Variants in INTS3 observed in about 807,000 individuals in gnomAD.
The protein encoded by INTS3 is integrator complex subunit 3.
A neutral mutation model predicts 146.3 loss-of-function variants in INTS3; 34 were observed. The observed-to-expected ratio is 0.23, with a 90% confidence interval of 0.18 to 0.31. The LOEUF is 0.31. Among genes scored for constraint, INTS3 ranks in the 10% least tolerant of loss-of-function variants. INTS3 has a pLI of 1.00. For synonymous variants in INTS3, 475 were observed against 494.9 expected (o/e 0.96, Z 0.53); for missense variants, 757 against 1,304.2 (o/e 0.58, Z 6.46).
chr1:153,758,586 T>C (rs1053701916), intron 10 of INTS3, among the ~76,000 whole-genome samples: 3 of 152,004 alleles, frequency 2.0e-5, no homozygotes, highest in African/African-American at 7.3e-5. Flanking sequence ...GGTGGGCAGA[T>C]TGCTTGAGCT....
chr1:153,733,229 T>G (rs1386400648), intron 1 of INTS3, among the ~76,000 whole-genome samples: 2 of 72,756 alleles, frequency 2.7e-5, no homozygotes, highest in Admixed American at 2.1e-4. Flanking sequence ...TTTTTTTTTT[T>G]GCAGATGCAG....
chr1:153,746,712 T>G (rs947325470), intron 3 of INTS3: 1 of 444,636 alleles, frequency 2.2e-6, no homozygotes, highest in African/African-American at 2.0e-5. Flanking sequence ...CCCAGCAGGC[T>G]TTTCTGCCTC....
intron 18 of INTS3, 38 bp downstream of exon 18, chr1:153,764,259 C>G (rs1175496658): frequency 7.2e-7 from 1 of 1,398,360 alleles, no homozygotes; most frequent in African/African-American, 1.4e-5. Flanking sequence ...GCCTCAGGAG[C>G]CAGAGGGTGC....
intron 13 of INTS3, chr1:153,761,276 C>T (rs1672372177): frequency 4.2e-6 from 2 of 481,080 alleles, no homozygotes; most frequent in Admixed American, 7.6e-5. Flanking sequence ...TTTGGGAGGC[C>T]AAGGTGGGCA....
rs35008806 is a variant in INTS3, at chr1:153,742,478, C to CTGTGTGTGTG, written c.318+1131_318+1140dup. On this transcript the variant is annotated intron_variant, in intron 3 of 29. Coordinates refer to ENST00000318967, the MANE Select transcript of INTS3 (RefSeq NM_023015.5). The stretch of plus-strand genomic sequence containing the variant: ...TCCTCTTGTGTGGGTTTTTTAATCT[C>CTGTGTGTGTG]TGTGTGTGTGTGTGTGTGTGTGTGT... 7.5e-3 allele frequency among the ~76,000 whole-genome samples: 1,104 copies of CTGTGTGTGTG among 147,534 alleles called. 15 individuals carry two copies. The highest frequency in any genetic ancestry group is 0.026 in the African/African-American group (1,045 of 39,754).
Position 153,728,733 on chromosome 1 carries a change from G to T in INTS3, c.99G>T (p.Gly33=), listed in dbSNP as rs200372484. 1.2e-5 allele frequency: 19 copies of T among 1,610,360 alleles called. No individual in the cohort carries two copies. Among genetic ancestry groups the T allele is most frequent in the Non-Finnish European group, 1.4e-5 (17 of 1,178,294 alleles). The change falls in exon 1 of 30, where the codon GGG becomes GGT. Residue 33 remains glycine (G), a synonymous_variant. Coordinates refer to ENST00000318967, the MANE Select transcript of INTS3 (RefSeq NM_023015.5). Reference sequence around the variant, plus strand: ...GAGCGGGAGCAGGAGCCCCAGGAGGGGGGAGGCTGCTACTTTCAACCAGTT... The same window carrying T: ...GAGCGGGAGCAGGAGCCCCAGGAGGTGGGAGGCTGCTACTTTCAACCAGTT... ...GGGAGAGAPG[G]GRLLLSTSLD...
At chr1:153,762,579 A>T (rs1672424225) in intron 14 of INTS3, 149 bp from the exon 15 acceptor site, 1 of 904,510 alleles carries the variant, frequency 1.1e-6, no homozygotes, top group African/African-American at 1.7e-5. Context: ...GAGGTTTGTC[A>T]AGAGGTTTGT....
chr1:153,729,186 G>A (rs1348612308), intron 1 of INTS3, among the ~76,000 whole-genome samples: 2 of 150,846 alleles, frequency 1.3e-5, no homozygotes, highest in African/African-American at 4.9e-5. Flanking sequence ...GCTGGTAAGA[G>A]CTGGCAGTAG....
chr1:153,734,413 ACTT>A (rs150230389), intron 1 of INTS3, among the ~76,000 whole-genome samples: 3,747 of 152,258 alleles, frequency 0.025, 71 homozygotes, highest in Non-Finnish European at 0.041. Context: ...TATCCTTTAT[ACTT>A]CTTGTTGCCT....
intron 18 of INTS3, 64 bp downstream of exon 18, chr1:153,764,285 C>T (rs7517875): frequency 0.011 from 11,313 of 1,053,594 alleles, 108 homozygotes; most frequent in Non-Finnish European, 0.015. Context: ...CAGCCTGAGT[C>T]CAAGAGACCC....
intron 9 of INTS3, 139 bp downstream of exon 9, chr1:153,754,878 C>T (rs1460774075): frequency 2.7e-5 from 18 of 657,590 alleles, no homozygotes; most frequent in Non-Finnish European, 1.1e-5. Context: ...TGGCTACTGG[C>T]TTCTTTGTCC....
At chr1:153,768,824 G>A in intron 21 of INTS3, 69 bp from the exon 22 acceptor site, 1 of 1,202,876 alleles carries the variant, frequency 8.3e-7, no homozygotes, top group Non-Finnish European at 1.2e-6. Context: ...TAATAAGGAA[G>A]GAGAGTGGGC....
Position 153,772,651 on chromosome 1 carries a change from C to T in INTS3, c.2834C>T (p.Thr945Met), listed in dbSNP as rs369078716. Residue 945 changes from threonine (T) to methionine (M), a missense_variant, in exon 28 of 30, where the codon ACG becomes ATG. Thr to Met is a moderately conservative substitution (Grantham distance 81). This residue lies in a region of INTS3 where 125 missense variants were observed against 165.6 expected (regional missense o/e 0.75). Coordinates refer to ENST00000318967, the MANE Select transcript of INTS3 (RefSeq NM_023015.5). The surrounding 1 kb of genome is among the most constrained non-coding windows in gnomAD (Gnocchi z 4.6). ...TNTKQNFFSQTPILQALQHVQ... is the reference protein window; with the variant it reads ...TNTKQNFFSQMPILQALQHVQ... Reference sequence around the variant, plus strand: ...TTTCTTCCTCTAGTTTTTAGCCAGACGCCAATTCTCCAGGCGCTGCAGCAT... The same window carrying T: ...TTTCTTCCTCTAGTTTTTAGCCAGATGCCAATTCTCCAGGCGCTGCAGCAT... 5 of 1,614,212 alleles carry T rather than the reference C, an allele frequency of 3.1e-6. No individual in the cohort carries two copies. The highest frequency in any genetic ancestry group is 2.2e-5 in the South Asian group (2 of 91,086).
chr1:153,773,385 C>A lies in INTS3; in HGVS notation c.*115C>A. On this transcript the variant is annotated 3_prime_UTR_variant, in exon 30 of 30. Transcript: ENST00000318967. ...GAAACACCCTTGCTGCATCCCCAAG[C>A]TCCCCCGGTGGAAGGAGGAGCTTTC... is the stretch of plus-strand genomic sequence containing the variant. 1.0e-6 allele frequency: 1 copy of A among 998,670 alleles called. No individual in the cohort carries two copies. Among genetic ancestry groups the A allele is most frequent in the Non-Finnish European group, 1.6e-6 (1 of 636,656 alleles). The allele number at this position is 998,670 out of a possible 1,614,324, so 61.9% of individuals were successfully genotyped here.
chr1:153,773,024 A>G lies in INTS3; in HGVS notation c.2994A>G (p.Arg998=), dbSNP rs765192262. The G allele has an allele frequency of 5.0e-6, 8 of 1,614,098 alleles. No homozygotes were observed. In the Admixed American group the frequency reaches 1.2e-4, roughly 24 times the overall value. ...RKAALSSPRS[R]KNATQPPNAE... is the part of the protein sequence containing the mutation. ...CAGCTCTGTCCAGCCCTCGAAGTCG[A>G]AAGAATGCCACACAGCCCCCCAATG... Residue 998 remains arginine, a synonymous_variant, in exon 29 of 30, where the codon CGA becomes CGG. Transcript: ENST00000318967.
Position 153,728,322 on chromosome 1 carries a change from C to T in INTS3, c.-313C>T. Reference sequence around the variant, plus strand: ...CTTAGGGTCAGACGCTCTTAGGGTCCACTTCTTCAGGGGCGGAAGCCTCTC... The same window carrying T: ...CTTAGGGTCAGACGCTCTTAGGGTCTACTTCTTCAGGGGCGGAAGCCTCTC... On this transcript the variant is annotated 5_prime_UTR_variant, in exon 1 of 30. Coordinates refer to ENST00000318967, the MANE Select transcript of INTS3 (RefSeq NM_023015.5). 1 of 402,570 alleles carries T rather than the reference C, an allele frequency of 2.5e-6. No individual in the cohort carries two copies. Among genetic ancestry groups the T allele is most frequent in the Non-Finnish European group, 4.4e-6 (1 of 228,366 alleles). The allele number at this position is 402,570 out of a possible 1,614,324, so 24.9% of individuals were successfully genotyped here.
Position 153,773,999 on chromosome 1 carries a change from T to C in INTS3, c.*729T>C, listed in dbSNP as rs868804812. On this transcript the variant is annotated 3_prime_UTR_variant, in exon 30 of 30. Transcript: ENST00000318967. ...TTCCTTGAGTCTGTTTTTTTTTTTG[T>C]TTTTTTTTGTTTTTTTTTTGGCAGA... 6.3e-6 allele frequency: 1 copy of C among 157,708 alleles called. No individual in the cohort carries two copies. The highest frequency in any genetic ancestry group is 2.1e-4 in the South Asian group (1 of 4,668). The allele number at this position is 157,708 out of a possible 1,614,324, so 9.8% of individuals were successfully genotyped here.
intron 20 of INTS3, 195 bp from the exon 21 acceptor site, chr1:153,767,479 G>A (rs41265191): frequency 0.085 from 40,962 of 481,078 alleles, 3,278 homozygotes; most frequent in African/African-American, 0.3. Context: ...GGGAAGGATG[G>A]ACAGAAAGAA....
intron 1 of INTS3, among the ~76,000 whole-genome samples, chr1:153,730,133 T>C (rs1213789295): frequency 1.3e-5 from 2 of 152,142 alleles, no homozygotes; most frequent in Non-Finnish European, 2.9e-5. Context: ...ACTTTGTGAA[T>C]CAAGAAGTGG....
Sources: allele counts gnomAD v4.1 joint callset (sites outside exome capture counted in the v4.1 genomes callset), GRCh38; gene constraint gnomAD v4.1.1; regional missense constraint gnomAD v4.1.1; non-coding constraint Gnocchi (gnomAD v3.1); transcripts MANE v1.5; gene names NCBI Gene and HGNC (gene_info 2026-07-23, HGNC 2026-07-21).